AXIN1: variants seen among roughly 807,000 people sequenced by gnomAD.
AXIN1 encodes axin 1.
AXIN1 carries 30 observed loss-of-function variants against 76.4 expected under a neutral mutation model. The observed-to-expected ratio is 0.39, with a 90% CI of 0.29 to 0.53. The LOEUF (loss-of-function observed/expected upper bound fraction) is 0.53. Ranked by LOEUF, AXIN1 falls within the 20% of genes least tolerant of loss-of-function variation. AXIN1 has a pLI of 0.66. For synonymous variants in AXIN1, 545 were observed against 501.4 expected (o/e 1.09, Z -1.16); for missense variants, 1,140 against 1,198.8 (o/e 0.95, Z 0.72).
At chr16:297,293 G>A (rs2141505200) in intron 6 of AXIN1, 67 bp from the exon 7 acceptor site, 1 of 1,583,918 alleles carries the variant, frequency 6.3e-7, no homozygotes, top group Non-Finnish European at 8.6e-7. Flanking sequence ...TTCCTCGTCT[G>A]CGAGGCCCCC....
chr16:289,248 T>C (rs1236657928), intron 10 of AXIN1, among the ~76,000 whole-genome samples, 192 bp downstream of exon 10: 1 of 152,120 alleles, frequency 6.6e-6, no homozygotes, highest in African/African-American at 2.4e-5. Flanking sequence ...GTATTTTTAG[T>C]AGAGACGGGG....
At chr16:304,228 G>A (rs2141543965) in intron 5 of AXIN1, 76 bp downstream of exon 5, 10 of 1,597,188 alleles carry the variant, frequency 6.3e-6, no homozygotes, top group Non-Finnish European at 8.5e-6. Context: ...TCCCCATGAA[G>A]AACATCAGGA....
chr16:294,917 A>G (rs1393331986), intron 7 of AXIN1, among the ~76,000 whole-genome samples: 1 of 150,856 alleles, frequency 6.6e-6, no homozygotes, highest in Admixed American at 6.6e-5. Flanking sequence ...ACAAAAAATT[A>G]GCCGGGCGTG....
chr16:309,910 GT>G, intron 4 of AXIN1, 62 bp downstream of exon 4: 3 of 1,550,286 alleles, frequency 1.9e-6, no homozygotes, highest in Non-Finnish European at 2.7e-6. Context: ...CCGCGGACCA[GT>G]TCACCAGGCC....
At chr16:291,015 G>A in intron 9 of AXIN1, 175 bp downstream of exon 9, 1 of 681,296 alleles carries the variant, frequency 1.5e-6, no homozygotes, top group Middle Eastern at 3.8e-4. Context: ...ATGGAGACAG[G>A]AGAAGGCTCT....
At chr16:300,532 A>G (rs1309608673) in intron 5 of AXIN1, among the ~76,000 whole-genome samples, 2 of 152,064 alleles carry the variant, frequency 1.3e-5, no homozygotes, top group African/African-American at 2.4e-5. Flanking sequence ...CAAACCTCCC[A>G]ACGTTTAGCA....
At chr16:291,349 G>A (rs1478593321) in intron 8 of AXIN1, 52 bp from the exon 9 acceptor site, 2 of 1,473,046 alleles carry the variant, frequency 1.4e-6, no homozygotes, top group Non-Finnish European at 1.9e-6. Flanking sequence ...ACCAGCCCTG[G>A]GGAGGGAGCC....
Position 313,828 on chromosome 16 carries a change from G to A in AXIN1, c.1019+715C>T, listed in dbSNP as rs371989416. 9.2e-5 allele frequency among the ~76,000 whole-genome samples: 14 copies of A among 152,220 alleles called. No homozygotes were observed. The East Asian group carries it at 9.6e-4, about 10-fold the overall frequency. On this transcript the variant is annotated intron_variant, in intron 3 of 10. Transcript: ENST00000262320. ...GGGGAAGAGGTCATAAAACAAGCAC[G>A]TTCCTACACATGGGGTTTCCCTGGA...
chr16:299,331 G>A (rs7200589), intron 5 of AXIN1: 182,101 of 737,010 alleles, frequency 0.25, 23,430 homozygotes, highest in Non-Finnish European at 0.26. Context: ...GAAAGAGAGG[G>A]AACTAAGTTA....
At chr16:347,852 T>G (rs958817691) in intron 1 of AXIN1, among the ~76,000 whole-genome samples, 2 of 152,232 alleles carry the variant, frequency 1.3e-5, no homozygotes, top group Non-Finnish European at 2.9e-5. Context: ...CTTAAAATGC[T>G]CTGTCAGAAT....
chr16:287,724 G>C lies in AXIN1; in HGVS notation c.*398C>G. On this transcript the variant is annotated 3_prime_UTR_variant, in exon 11 of 11. Transcript: ENST00000262320. Reference sequence around the variant, plus strand: ...CGTACAATTGACAGAGGCCCTGCAGGCCTCTGCATCCGGGCCTGGGCCCCA... The same window carrying C: ...CGTACAATTGACAGAGGCCCTGCAGCCCTCTGCATCCGGGCCTGGGCCCCA... The C allele has an allele frequency of 2.6e-6, 1 of 388,894 alleles. No individual in the cohort carries two copies. Among genetic ancestry groups the C allele is most frequent in the South Asian group, 2.9e-5 (1 of 34,738 alleles). The allele number at this position is 388,894 out of a possible 1,614,324, so 24.1% of individuals were successfully genotyped here.
chr16:288,475 C>CACCCCACATCCCCCTGGGAGT (rs1567255207), intron 10 of AXIN1, among the ~76,000 whole-genome samples: 2 of 152,234 alleles, frequency 1.3e-5, no homozygotes, highest in Non-Finnish European at 2.9e-5. Context: ...CTGCTGGGAG[C>CACCCCACATCCCCCTGGGAGT]ACCCCACATC....
chr16:326,373 A>C (rs1207408469), intron 2 of AXIN1, among the ~76,000 whole-genome samples: 4 of 49,566 alleles, frequency 8.1e-5, no homozygotes, highest in African/African-American at 3.5e-4. Context: ...AAAAAAAAAA[A>C]TATATATATA....
intron 9 of AXIN1, 78 bp from the exon 10 acceptor site, chr16:289,685 C>A (rs1247841018): frequency 6.3e-7 from 1 of 1,577,682 alleles, no homozygotes; most frequent in African/African-American, 1.3e-5. Flanking sequence ...CCTCAGGCTG[C>A]CAGTGTAAGG....
chr16:342,472 A>G (rs758361050), intron 2 of AXIN1, among the ~76,000 whole-genome samples: 2 of 152,118 alleles, frequency 1.3e-5, no homozygotes, highest in Non-Finnish European at 2.9e-5. Flanking sequence ...TGTGGTAGCA[A>G]TGCTCACCAG....
At chr16:330,066 CT>C (rs34633391) in intron 2 of AXIN1, among the ~76,000 whole-genome samples, 119 of 143,734 alleles carry the variant, frequency 8.3e-4, no homozygotes, top group East Asian at 1.0e-3. Context: ...GTGCCCGGCC[CT>C]TTTTTTTTTT....
chr16:316,351 T>C (rs1354363656), intron 2 of AXIN1, among the ~76,000 whole-genome samples: 1 of 152,190 alleles, frequency 6.6e-6, no homozygotes, highest in Non-Finnish European at 1.5e-5. Flanking sequence ...ATAACCCATC[T>C]TGTCCTCAAT....
At chr16:310,108 A>G in intron 3 of AXIN1, 39 bp from the exon 4 acceptor site, 1 of 1,565,590 alleles carries the variant, frequency 6.4e-7, no homozygotes, top group South Asian at 1.2e-5. Context: ...CTCAGAGAGG[A>G]GCAGGAGGGC....
chr16:321,530 A>G (rs139818082), intron 2 of AXIN1, among the ~76,000 whole-genome samples: 39 of 152,370 alleles, frequency 2.6e-4, no homozygotes, highest in East Asian at 1.3e-3. Context: ...GAGCTCCTCA[A>G]CTCACGACAA....
Sources: allele counts gnomAD v4.1 joint callset (sites outside exome capture counted in the v4.1 genomes callset), GRCh38; gene constraint gnomAD v4.1.1; transcripts MANE v1.5; gene names NCBI Gene and HGNC (gene_info 2026-07-23, HGNC 2026-07-21).